The following CYP7A1 variants were observed in gnomAD, a reference collection of about 807,000 sequenced individuals.
The protein encoded by CYP7A1 is cytochrome P450 family 7 subfamily A member 1, also known as cytochrome P450 7A1.
Under a neutral mutation model 43.8 loss-of-function variants are expected in CYP7A1, and 28 were observed. The ratio of observed to expected loss-of-function variants is 0.64; its 90% CI spans 0.47 to 0.88. The LOEUF is 0.88. CYP7A1 is among the 40% of genes least tolerant of loss of function. The probability of loss-of-function intolerance (pLI) is 0.00; values close to 1 mark genes in which losing one functional copy is unlikely to be tolerated. For missense variants in CYP7A1, 637 were observed against 611.9 expected (o/e 1.04, Z -0.43); for synonymous variants, 227 against 222.5 (o/e 1.02, Z -0.18).
chr8:58,495,430 G>A (rs546591808), intron 3 of CYP7A1, among the ~76,000 whole-genome samples: 13 of 151,972 alleles, frequency 8.6e-5, no homozygotes, highest in East Asian at 7.8e-4. Flanking sequence ...GGGTTTCACC[G>A]TGTTAGCCAG....
At chr8:58,493,282 C>T (rs928761794) in intron 4 of CYP7A1, among the ~76,000 whole-genome samples, 36 of 152,132 alleles carry the variant, frequency 2.4e-4, no homozygotes, top group African/African-American at 8.7e-4. Context: ...ATTGAATATA[C>T]TGATAGCACT....
intron 2 of CYP7A1, 28 bp from the exon 3 acceptor site, chr8:58,497,218 A>T: frequency 6.3e-7 from 1 of 1,574,856 alleles, no homozygotes; most frequent in Non-Finnish European, 8.6e-7. Flanking sequence ...ATGCAGAAAA[A>T]GAAGTTAAAC....
rs1164660760 is a variant in CYP7A1, at chr8:58,490,180, G to A, written c.*1295C>T. 1 of 151,334 alleles carries A rather than the reference G, an allele frequency of 6.6e-6. No homozygotes were observed. Among genetic ancestry groups the A allele is most frequent in the Admixed American group, 6.6e-5 (1 of 15,152 alleles). The allele number at this position is 151,334 out of a possible 1,614,324, so 9.4% of individuals were successfully genotyped here. A position where few individuals can be genotyped will look rare whatever the true frequency, so the allele number is the denominator to read the frequency against. ...ATAAATAAATAAATAAATACACATA[G>A]ATTCATACTTTTATTTCTGAAAGAT... On this transcript the variant is annotated 3_prime_UTR_variant, in exon 6 of 6. Coordinates refer to ENST00000301645, the MANE Select transcript of CYP7A1 (RefSeq NM_000780.4).
chr8:58,498,192 G>T, intron 2 of CYP7A1, 37 bp downstream of exon 2: 2 of 1,610,830 alleles, frequency 1.2e-6, no homozygotes, highest in African/African-American at 2.7e-5. Flanking sequence ...AAAGGTAGAA[G>T]ACAAACAGAA....
At chr8:58,494,485 C>A (rs1284080500) in intron 4 of CYP7A1, 21 bp downstream of exon 4, 16 of 1,612,978 alleles carry the variant, frequency 9.9e-6, no homozygotes, top group African/African-American at 1.3e-5. Flanking sequence ...AAATGAAACT[C>A]AACATAACAA....
Position 58,496,589 on chromosome 8 carries a change from T to C in CYP7A1, c.908+15A>G. 6.3e-7 allele frequency: 1 copy of C among 1,595,774 alleles called. No individual in the cohort carries two copies. Among genetic ancestry groups the C allele is most frequent in the South Asian group, 1.1e-5 (1 of 90,686 alleles). On this transcript the variant is annotated intron_variant, in intron 3 of 5. Coordinates refer to ENST00000301645, the MANE Select transcript of CYP7A1 (RefSeq NM_000780.4). Reference sequence around the variant, plus strand: ...TACTAAAATAAAAAAAAGAAATGGATATGGCGTTAGTCACCTAATCATTTG... The same window carrying C: ...TACTAAAATAAAAAAAAGAAATGGACATGGCGTTAGTCACCTAATCATTTG...
intron 3 of CYP7A1, 119 bp from the exon 4 acceptor site, chr8:58,494,755 G>A (rs970893327): frequency 9.6e-6 from 9 of 937,902 alleles, no homozygotes; most frequent in Non-Finnish European, 1.2e-5. Flanking sequence ...GATACCAGGG[G>A]AGGAGGGAAA....
intron 5 of CYP7A1, among the ~76,000 whole-genome samples, chr8:58,492,122 A>G (rs1809361239): frequency 6.6e-6 from 1 of 152,224 alleles, no homozygotes; most frequent in African/African-American, 2.4e-5. Context: ...GTTTATTATC[A>G]TGACTGCAAA....
intron 5 of CYP7A1, among the ~76,000 whole-genome samples, 165 bp from the exon 6 acceptor site, chr8:58,491,939 T>TA (rs1367572984): frequency 6.6e-6 from 1 of 152,148 alleles, no homozygotes; most frequent in Non-Finnish European, 1.5e-5. Context: ...AACAGGAGCT[T>TA]AATGAGCTAA....
chr8:58,494,430 A>C, intron 4 of CYP7A1, 76 bp downstream of exon 4: 1 of 1,486,606 alleles, frequency 6.7e-7, no homozygotes, highest in Non-Finnish European at 9.4e-7. Flanking sequence ...TTCGGTAAGT[A>C]TATAATTTAT....
intron 3 of CYP7A1, among the ~76,000 whole-genome samples, chr8:58,495,106 C>A (rs1809417831): frequency 1.3e-5 from 2 of 150,828 alleles, no homozygotes; most frequent in Admixed American, 1.3e-4. Context: ...TGCATTCCAG[C>A]CTTGGTGACA....
At position 58,491,517 on chromosome 8, in the gene CYP7A1, T is replaced by C. The variant is rs888728353; in HGVS notation, c.1473A>G (p.Pro491=). ...TATATTTAAATTCAATATCATTCAATGGCGGCAAAATGCCCAAGCCTGCCC... is the reference window on the plus strand; with the variant it reads ...TATATTTAAATTCAATATCATTCAACGGCGGCAAAATGCCCAAGCCTGCCC... ...QSRAGLGILP[P]LNDIEFKYKF... is the part of the protein sequence containing the mutation. Residue 491 remains proline, a synonymous_variant, in exon 6 of 6, where the codon CCA becomes CCG. Coordinates refer to ENST00000301645, the MANE Select transcript of CYP7A1 (RefSeq NM_000780.4). The C allele has an allele frequency of 1.2e-6, 2 of 1,614,204 alleles. No homozygotes were observed. Among genetic ancestry groups the C allele is most frequent in the East Asian group, 2.2e-5 (1 of 44,882 alleles).
rs142708991 is a variant in CYP7A1, at chr8:58,492,376, G to T, written c.1192C>A (p.Pro398Thr). 1 of 1,613,942 alleles carries T rather than the reference G, an allele frequency of 6.2e-7. No homozygotes were observed. Among genetic ancestry groups the T allele is most frequent in the African/African-American group, 1.3e-5 (1 of 75,020 alleles). Residue 398 changes from proline to threonine, a missense_variant, in exon 5 of 6, where the codon CCA becomes ACA. Physicochemically the swap from Pro to Thr is conservative, Grantham distance 38 (BLOSUM62 -1). Coordinates refer to ENST00000301645, the MANE Select transcript of CYP7A1 (RefSeq NM_000780.4). Reference sequence around the variant, plus strand: ...ACCAAAGGGTCTGGGTAGATTTCTGGATCTAAGTGCATTAACTGTGGGTAA... The same window carrying T: ...ACCAAAGGGTCTGGGTAGATTTCTGTATCTAAGTGCATTAACTGTGGGTAA... ...ALYPQLMHLD[P>T]EIYPDPLTFK...
intron 3 of CYP7A1, 90 bp from the exon 4 acceptor site, chr8:58,494,726 C>G: frequency 8.2e-7 from 1 of 1,221,544 alleles, no homozygotes; most frequent in Non-Finnish European, 1.2e-6. Flanking sequence ...TTTCCCCCTT[C>G]TTTTAACTAG....
rs1809506293 is a variant in CYP7A1 at position 58,500,018 on chromosome 8, C to A, written c.80+1G>T. ...CAATTTAAAGATAAAACATTACTTACCTTCTCCTAATTCCAAGAATAAGCC... is the reference window on the plus strand; with the variant it reads ...CAATTTAAAGATAAAACATTACTTAACTTCTCCTAATTCCAAGAATAAGCC... On this transcript the variant is annotated splice_donor_variant, in intron 1 of 5. Coordinates refer to ENST00000301645, the MANE Select transcript of CYP7A1 (RefSeq NM_000780.4). LOFTEE classifies it high-confidence loss of function. The A allele has an allele frequency of 1.9e-6, 3 of 1,607,472 alleles. No homozygotes were observed. Among genetic ancestry groups the A allele is most frequent in the Non-Finnish European group, 2.6e-6 (3 of 1,174,324 alleles).
chr8:58,492,235 A>T, intron 5 of CYP7A1, 118 bp downstream of exon 5: 1 of 990,258 alleles, frequency 1.0e-6, no homozygotes, highest in Non-Finnish European at 1.6e-6. Flanking sequence ...TAACACAATT[A>T]AGCAGACAAT....
chr8:58,494,440 T>C, intron 4 of CYP7A1, 66 bp downstream of exon 4: 1 of 1,529,846 alleles, frequency 6.5e-7, no homozygotes, highest in Non-Finnish European at 9.1e-7. Flanking sequence ...ATATAATTTA[T>C]GTTGGTCATT....
rs745860537 is a variant in CYP7A1 at position 58,491,773 on chromosome 8, G to C, written c.1217C>G (p.Thr406Ser). ...ATCAAGATACCTATCATATTTAAAA[G>C]TCTGCAATAAAAATACAAAGAAAAC... ...LDPEIYPDPL[T>S]FKYDRYLDEN... The change falls in exon 6 of 6, where the codon ACT becomes AGT. Residue 406 changes from threonine to serine, a missense_variant and splice_region_variant. Transcript: ENST00000301645. 2 of 1,612,322 alleles carry C rather than the reference G, an allele frequency of 1.2e-6. No homozygotes were observed. Among genetic ancestry groups the C allele is most frequent in the African/African-American group, 2.7e-5 (2 of 74,852 alleles).
chr8:58,492,674 G>A, intron 4 of CYP7A1, 146 bp from the exon 5 acceptor site: 3 of 674,610 alleles, frequency 4.4e-6, no homozygotes, highest in East Asian at 5.4e-5. Context: ...GATGAACAGG[G>A]TATGGGAAGC....
Sources: gnomAD v4.1 joint callset for allele counts (sites outside exome capture counted in the v4.1 genomes callset) on GRCh38, gnomAD v4.1.1 for gene constraint, MANE v1.5 for transcripts, NCBI Gene and HGNC (gene_info 2026-07-23, HGNC 2026-07-21) for gene names.